RIF1: variants seen among roughly 807,000 people sequenced by gnomAD.
The protein encoded by RIF1 is replication timing regulatory factor 1.
A neutral mutation model predicts 247.1 loss-of-function variants in RIF1; 45 were observed. That is an observed-to-expected ratio of 0.18 (90% CI 0.14 to 0.23). RIF1 has a LOEUF of 0.23. Ranked by LOEUF, RIF1 falls within the 10% of genes least tolerant of loss-of-function variation. The pLI is 1.00. For missense variants in RIF1, 2,967 were observed against 2,862.5 expected (o/e 1.04, Z -0.83); for synonymous variants, 1,087 against 978.8 (o/e 1.11, Z -2.06).
At chr2:151,500,443 TAG>T (rs1491155141) in intron 11 of RIF1, among the ~76,000 whole-genome samples, 6 of 151,810 alleles carry the variant, frequency 4.0e-5, no homozygotes, top group African/African-American at 1.5e-4. Context: ...ATTTGTGTGT[TAG>T]AGTTTTTCAG....
In RIF1 at chr2:151,464,467, G is replaced by A. The variant is rs1180256287; in HGVS notation, c.4947G>A (p.Val1649=). The A allele has an allele frequency of 5.6e-6, 9 of 1,613,208 alleles. No homozygotes were observed. Among genetic ancestry groups the A allele is most frequent in the African/African-American group, 1.3e-5 (1 of 74,888 alleles). The change falls in exon 30 of 36, where the codon GTG becomes GTA. Residue 1649 remains valine (V), a synonymous_variant. Transcript: ENST00000444746. ...LLQVPDDLPN[V]CEEKNETSKY... Reference sequence around the variant, plus strand: ...AAGTTCCTGATGATTTACCAAATGTGTGTGAGGAAAAAAATGAAACTAGCA... The same window carrying A: ...AAGTTCCTGATGATTTACCAAATGTATGTGAGGAAAAAAATGAAACTAGCA...
Position 151,464,426 on chromosome 2 carries a change from A to C in RIF1, c.4906A>C (p.Thr1636Pro). 6.2e-7 allele frequency: 1 copy of C among 1,613,500 alleles called. No individual in the cohort carries two copies. Residue 1636 changes from threonine to proline, a missense_variant, in exon 30 of 36, where the codon ACT (threonine) becomes CCT (proline). Physicochemically the swap from Thr to Pro is conservative, Grantham distance 38. Around this residue, in one of 7 missense-constraint regions of RIF1, gnomAD observed 2,028 missense variants for 1,825.6 expected, o/e 1.11. Coordinates refer to ENST00000444746, the MANE Select transcript of RIF1 (RefSeq NM_018151.5). The part of the protein sequence containing the change: ...NTVICQDSTV[T>P]SDLLQVPDDL... The stretch of plus-strand genomic sequence containing the variant: ...TGTAATATGTCAGGATTCTACAGTA[A>C]CTTCAGATTTGTTGCAAGTTCCTGA...
At chr2:151,512,191 C>A (rs374560223), downstream of RIF1, among the ~76,000 whole-genome samples, 1 of 151,792 alleles carries the variant, frequency 6.6e-6, no homozygotes, top group African/African-American at 2.4e-5. Flanking sequence ...CCACCACGCC[C>A]GGCTAATTTT....
At position 151,440,105 on chromosome 2, in the gene RIF1, T is replaced by A; in HGVS notation, c.1625T>A (p.Val542Glu). 1 of 1,581,812 alleles carries A rather than the reference T, an allele frequency of 6.3e-7. No homozygotes were observed. The highest frequency in any genetic ancestry group is 8.6e-7 in the Non-Finnish European group (1 of 1,158,098). Residue 542 changes from valine (V) to glutamate (E), a missense_variant, in exon 15 of 36, where the codon GTA (valine) becomes GAA (glutamate). This residue lies in a region of RIF1 where 369 missense variants were observed against 322.0 expected (regional missense o/e 1.15). Transcript: ENST00000444746. ...TTGGAAAGCATAGTAAAGTCTGAAG[T>A]ATTTCCTGTATCAAAAACGCTGGTA... ...KSLESIVKSE[V>E]FPVSKTLVLM...
intron 8 of RIF1, among the ~76,000 whole-genome samples, chr2:151,427,926 A>G (rs1689410827): frequency 6.6e-6 from 1 of 152,084 alleles, no homozygotes; most frequent in Non-Finnish European, 1.5e-5. Flanking sequence ...GCATGGTGGC[A>G]CGCACCTATA....
the RIF1 span, among the ~76,000 whole-genome samples, chr2:151,528,765 A>C: frequency 6.6e-6 from 1 of 152,206 alleles, no homozygotes; most frequent in Non-Finnish European, 1.5e-5. Context: ...CAACGCAGGG[A>C]ATATCTGAGC....
chr2:151,493,568 T>A, intron 9 of RIF1: 1 of 742,046 alleles, frequency 1.3e-6, no homozygotes, highest in Non-Finnish European at 2.1e-6. Context: ...GTAAAGCTAT[T>A]AAAATGTTAC....
Position 151,433,087 on chromosome 2 carries a change from T to C in RIF1, c.936T>C (p.Cys312=). Residue 312 remains cysteine, a synonymous_variant, in exon 10 of 36, where the codon TGT becomes TGC. Transcript: ENST00000444746. The part of the protein sequence containing the change: ...DNFALNPDIL[C]SAKRLKLLMQ... The stretch of plus-strand genomic sequence containing the variant: ...TTATTTTCTTTTAAGATATACTATG[T>C]AGTGCAAAAAGACTCAAGTTGTTAA... The C allele has an allele frequency of 6.2e-7, 1 of 1,612,658 alleles. No homozygotes were observed. The highest frequency in any genetic ancestry group is 8.5e-7 in the Non-Finnish European group (1 of 1,178,946).
At chr2:151,498,405 C>T (rs2061812232) in intron 10 of RIF1, 2 of 1,348,998 alleles carry the variant, frequency 1.5e-6, no homozygotes, top group Non-Finnish European at 2.1e-6. Flanking sequence ...CAGTCATTTT[C>T]CCCCTGCTTT....
In RIF1 at chr2:151,462,908, G is replaced by T. The variant is rs1463111955; in HGVS notation, c.3388G>T (p.Val1130Phe). Residue 1130 changes from valine to phenylalanine, a missense_variant, in exon 30 of 36, where the codon GTC (valine) becomes TTC (phenylalanine). Physicochemically the swap from Val to Phe is conservative, Grantham distance 50. Transcript: ENST00000444746. ...GGAGGAGCAAATGGACAGTGACATTGTCATTCCTCAAGATGTCACGGAAGA... is the reference window on the plus strand; with the variant it reads ...GGAGGAGCAAATGGACAGTGACATTTTCATTCCTCAAGATGTCACGGAAGA... ...ITEEQMDSDI[V>F]IPQDVTEDCG... 1 of 1,607,890 alleles carries T rather than the reference G, an allele frequency of 6.2e-7. No individual in the cohort carries two copies. The highest frequency in any genetic ancestry group is 2.2e-5 in the East Asian group (1 of 44,832).
the RIF1 span, among the ~76,000 whole-genome samples, chr2:151,525,633 CCTTT>C: frequency 5.1e-4 from 77 of 152,256 alleles, no homozygotes; most frequent in Non-Finnish European, 4.7e-4. Flanking sequence ...GGTAGTTTTA[CCTTT>C]CTAAAATTGG....
At chr2:151,508,901 T>C (rs150322681), downstream of RIF1, among the ~76,000 whole-genome samples, 466 of 152,376 alleles carry the variant, frequency 3.1e-3, 1 homozygote, top group Non-Finnish European at 4.8e-3. Flanking sequence ...ATTGTTTTTA[T>C]TCTCTGCAGC....
chr2:151,410,624 A>G, intron 2 of RIF1, 97 bp downstream of exon 2: 1 of 1,007,842 alleles, frequency 9.9e-7, no homozygotes, highest in South Asian at 1.4e-5. Flanking sequence ...TGTGAGTTCT[A>G]GAAGTCTAGC....
At chr2:151,497,661 CCA>C in intron 10 of RIF1, 1 of 1,584,638 alleles carries the variant, frequency 6.3e-7, no homozygotes, top group African/African-American at 1.3e-5. Context: ...TTGACTCTTT[CCA>C]TCTCGGGAGT....
intron 29 of RIF1, 70 bp from the exon 30 acceptor site, chr2:151,462,814 C>T: frequency 2.5e-6 from 3 of 1,210,126 alleles, no homozygotes; most frequent in Non-Finnish European, 1.2e-6. Flanking sequence ...CTAAAGTTTT[C>T]CCAGAAAGTC....
chr2:151,468,827 T>C, intron 33 of RIF1, 71 bp downstream of exon 33: 1 of 1,076,640 alleles, frequency 9.3e-7, no homozygotes, highest in Non-Finnish European at 1.4e-6. Flanking sequence ...ATCTGATTGC[T>C]TGGTTCTCAT....
chr2:151,519,096 A>G, the RIF1 span: 12 of 1,410,658 alleles, frequency 8.5e-6, no homozygotes, highest in Non-Finnish European at 1.1e-5. Context: ...AAGAAAGGAA[A>G]TCACGTAAAT....
chr2:151,431,809 G>C (rs1177123394), intron 9 of RIF1, among the ~76,000 whole-genome samples: 1 of 151,926 alleles, frequency 6.6e-6, no homozygotes, highest in Non-Finnish European at 1.5e-5. Flanking sequence ...ATGAATGAAT[G>C]AATGAACAAA....
the RIF1 span, chr2:151,519,849 C>A: frequency 1.1e-6 from 1 of 885,892 alleles, no homozygotes; most frequent in Non-Finnish European, 1.9e-6. Context: ...ACACAAATGC[C>A]AAAGAATATG....
Sources: gnomAD v4.1 joint callset for allele counts (sites outside exome capture counted in the v4.1 genomes callset) on GRCh38, gnomAD v4.1.1 for gene constraint, gnomAD v4.1.1 regional missense constraint, MANE v1.5 for transcripts, NCBI Gene and HGNC (gene_info 2026-07-23, HGNC 2026-07-21) for gene names.